The following DOCK4 variants were observed in gnomAD, a reference collection of about 807,000 sequenced individuals.
DOCK4 encodes dedicator of cytokinesis protein 4.
Under a neutral mutation model 268.1 loss-of-function variants are expected in DOCK4, and 97 were observed. The observed-to-expected ratio is 0.36, with a 90% CI of 0.31 to 0.43. DOCK4 has a LOEUF of 0.43. Among genes scored for constraint, DOCK4 ranks in the 20% least tolerant of loss-of-function variants. The pLI is 1.00. For synonymous variants in DOCK4, 954 were observed against 887.2 expected, an observed-to-expected ratio of 1.08 and a Z score of -1.34; for missense variants, 2,145 against 2,455.7, an observed-to-expected ratio of 0.87 and a Z score of 2.67.
At position 111,728,360 on chromosome 7, in the gene DOCK4, G is replaced by T. The variant is rs527410636; in HGVS notation, c.5842C>A (p.Arg1948=). The T allele has an allele frequency of 3.3e-6, 5 of 1,524,794 alleles. No individual in the cohort carries two copies. Among genetic ancestry groups the T allele is most frequent in the African/African-American group, 1.4e-5 (1 of 72,184 alleles). The allele number at this position is 1,524,794 out of a possible 1,614,324, so 94.5% of individuals were successfully genotyped here. A position where few individuals can be genotyped will look rare whatever the true frequency, so the allele number is the denominator to read the frequency against. The part of the protein sequence containing the change: ...PALPPKPLAA[R]SSHLENGARR... ...GCCCCATTCTCCAGGTGGCTGGATC[G>T]CGCTGCCAGAGGCTTGGGGGGCAGC... Residue 1948 remains arginine, a synonymous_variant, in exon 53 of 53, where the codon CGA becomes AGA. Coordinates refer to ENST00000428084, the MANE Select transcript of DOCK4 (RefSeq NM_001363540.2).
chr7:111,940,192 G>T lies in DOCK4; in HGVS notation c.895C>A (p.Arg299=), dbSNP rs1375815588. The T allele has an allele frequency of 1.2e-6, 2 of 1,613,852 alleles. No individual in the cohort carries two copies. Among genetic ancestry groups the T allele is most frequent in the Non-Finnish European group, 1.7e-6 (2 of 1,179,896 alleles). ...KKNACSVQYR[R]PFGCAVLSIA... is the part of the protein sequence containing the mutation. ...CTAAGAACTGCACAGCCAAAGGGTC[G>T]TCGGTACTGGACACTACAGGCATTC... Residue 299 remains arginine (R), a synonymous_variant, in exon 11 of 53, where the codon CGA becomes AGA. Transcript: ENST00000428084.
chr7:111,921,792 A>G (rs1793159429), intron 12 of DOCK4, among the ~76,000 whole-genome samples: 1 of 152,220 alleles, frequency 6.6e-6, no homozygotes, highest in African/African-American at 2.4e-5. Context: ...CATTATATCT[A>G]TCATTGTTTC....
chr7:111,880,793 C>T (rs550563008), intron 16 of DOCK4, among the ~76,000 whole-genome samples: 5 of 152,194 alleles, frequency 3.3e-5, no homozygotes, highest in African/African-American at 7.2e-5. Context: ...AACTCTTTTT[C>T]GACAAAGGTG....
rs1800657835 is a variant in DOCK4 at position 112,004,090 on chromosome 7, A to G, written c.79T>C (p.Leu27=). ...FRGTVPYGLS[L]EIGDTVQILE... is the part of the protein sequence containing the mutation. ...ATCTGAACTGTATCTCCAATTTCCA[A>G]TGACAGGCCATATGGAACGGTTCCT... The change falls in exon 2 of 53, where the codon TTG becomes CTG. Residue 27 remains leucine (L), a synonymous_variant. Transcript: ENST00000428084. 5 of 1,602,628 alleles carry G rather than the reference A, an allele frequency of 3.1e-6. No homozygotes were observed. Among genetic ancestry groups the G allele is most frequent in the Non-Finnish European group, 1.7e-6 (2 of 1,174,426 alleles).
chr7:111,896,821 G>T (rs1199545908), intron 15 of DOCK4, among the ~76,000 whole-genome samples: 8 of 152,118 alleles, frequency 5.3e-5, no homozygotes, highest in African/African-American at 1.7e-4. Context: ...TCTGGCTGGT[G>T]CTGGTCCCTA....
intron 1 of DOCK4, among the ~76,000 whole-genome samples, chr7:112,082,555 A>G (rs1430865108): frequency 7.2e-5 from 11 of 152,208 alleles, no homozygotes; most frequent in Non-Finnish European, 1.5e-5. Flanking sequence ...GTTCGCTACA[A>G]AATTATTTTT....
chr7:111,848,206 T>A (rs1804267211), intron 23 of DOCK4, among the ~76,000 whole-genome samples: 1 of 152,234 alleles, frequency 6.6e-6, no homozygotes, highest in Non-Finnish European at 1.5e-5. Context: ...CCCCTCTTTT[T>A]GTTCAACTTC....
chr7:111,849,584 T>C (rs1563587873), intron 23 of DOCK4, among the ~76,000 whole-genome samples: 1 of 152,182 alleles, frequency 6.6e-6, no homozygotes, highest in Non-Finnish European at 1.5e-5. Flanking sequence ...ATGAGGGGCT[T>C]TTCTCCAATA....
Position 111,935,614 on chromosome 7 carries a change from C to G in DOCK4, c.992G>C (p.Ser331Thr). The change falls in exon 12 of 53, where the codon AGT becomes ACT. Residue 331 changes from serine to threonine, a missense_variant. By Grantham distance (58) the Ser-to-Thr change is moderately conservative. This residue lies in a region of DOCK4 where 1,598 missense variants were observed against 1,986.7 expected (regional missense o/e 0.80). Transcript: ENST00000428084. ...ILKVYMCNTE[S>T]EWYQIHENII... The stretch of plus-strand genomic sequence containing the variant: ...GTTCTCATGGATTTGGTACCACTCA[C>G]TCTCTGTGTTACACCTATGAAAACA... The G allele has an allele frequency of 6.2e-7, 1 of 1,613,808 alleles. No homozygotes were observed. The highest frequency in any genetic ancestry group is 8.5e-7 in the Non-Finnish European group (1 of 1,179,772).
intron 16 of DOCK4, among the ~76,000 whole-genome samples, chr7:111,892,864 A>G (rs1440819585): frequency 6.6e-6 from 1 of 152,236 alleles, no homozygotes; most frequent in Non-Finnish European, 1.5e-5. Context: ...TATACTTGGC[A>G]AGTATTTCAC....
intron 1 of DOCK4, among the ~76,000 whole-genome samples, chr7:112,066,116 G>A (rs1806904186): frequency 6.6e-6 from 1 of 152,092 alleles, no homozygotes; most frequent in African/African-American, 2.4e-5. Context: ...CATTATTTGG[G>A]GGCATGTCTG....
intron 20 of DOCK4, among the ~76,000 whole-genome samples, chr7:111,871,034 C>T (rs1441100258): frequency 1.3e-5 from 2 of 152,172 alleles, no homozygotes; most frequent in African/African-American, 2.4e-5. Context: ...ATGTTGGAGA[C>T]GTCGATCTTA....
intron 1 of DOCK4, among the ~76,000 whole-genome samples, chr7:112,151,825 C>T (rs1000154531): frequency 2.0e-5 from 3 of 149,622 alleles, no homozygotes; most frequent in Non-Finnish European, 3.0e-5. Context: ...CTACAGAAAT[C>T]TGATGACCAA....
intron 11 of DOCK4, among the ~76,000 whole-genome samples, chr7:111,939,453 T>G (rs1795024287): frequency 6.7e-6 from 1 of 148,824 alleles, no homozygotes; most frequent in Non-Finnish European, 1.5e-5. Flanking sequence ...AGGCGGAGCT[T>G]GCAGTGAGCT....
intron 23 of DOCK4, among the ~76,000 whole-genome samples, chr7:111,855,074 C>A (rs150932408): frequency 2.0e-5 from 3 of 152,202 alleles, no homozygotes; most frequent in African/African-American, 7.2e-5. Context: ...GGATTCCAAA[C>A]AGAGAAAAGT....
intron 30 of DOCK4, among the ~76,000 whole-genome samples, chr7:111,792,093 T>G (rs193040994): frequency 1.2e-4 from 18 of 152,380 alleles, no homozygotes; most frequent in Admixed American, 1.0e-3. Flanking sequence ...AGGTGAGTTT[T>G]AAGTCTATTA....
intron 26 of DOCK4, among the ~76,000 whole-genome samples, chr7:111,831,715 G>A (rs1802824711): frequency 1.3e-5 from 2 of 152,090 alleles, no homozygotes; most frequent in African/African-American, 4.8e-5. Context: ...TCTAACTCCT[G>A]GGCTCAAGTG....
intron 8 of DOCK4, among the ~76,000 whole-genome samples, chr7:111,973,105 C>T (rs1185569612): frequency 6.8e-6 from 1 of 146,314 alleles, no homozygotes; most frequent in Non-Finnish European, 1.5e-5. Context: ...ATCCAGGTTG[C>T]TGCAAAAGCC....
rs1390713799 is a variant in DOCK4, at chr7:112,066,659, TTATACA to T, written c.38-62534_38-62529del. Among the ~76,000 whole-genome samples, 118 of 70,172 alleles carry T rather than the reference TTATACA, an allele frequency of 1.7e-3. 1 individual carries two copies. Among genetic ancestry groups the T allele is most frequent in the Middle Eastern group, 8.6e-3 (1 of 116 alleles). The allele number at this position is 70,172 out of a possible 152,430, so 46.0% of individuals were successfully genotyped here. ...ACACACATATACATATATACACATATTATACATATACATATACATATATACATATAC... is the reference window on the plus strand; with the variant it reads ...ACACACATATACATATATACACATATTATACATATACATATATACATATAC... On this transcript the variant is annotated intron_variant, in intron 1 of 52. Coordinates refer to ENST00000428084, the MANE Select transcript of DOCK4 (RefSeq NM_001363540.2).
Sources: gnomAD v4.1 joint callset for allele counts (sites outside exome capture counted in the v4.1 genomes callset) on GRCh38, gnomAD v4.1.1 for gene constraint, gnomAD v4.1.1 regional missense constraint, MANE v1.5 for transcripts, NCBI Gene and HGNC (gene_info 2026-07-23, HGNC 2026-07-21) for gene names.